Variants in SCN10A observed in about 807,000 individuals in gnomAD.
The protein encoded by SCN10A is sodium channel protein type 10 subunit alpha.
In SCN10A, 162 loss-of-function variants were observed where a neutral mutation model predicts 170.7. The ratio of observed to expected loss-of-function variants is 0.95; its 90% confidence interval spans 0.84 to 1.08. SCN10A has a LOEUF of 1.08. SCN10A is among the 50% of genes least tolerant of loss of function. The pLI, the probability that SCN10A is intolerant of heterozygous loss-of-function variation, is 0.00. For missense variants in SCN10A, 2,527 were observed against 2,436.9 expected, an observed-to-expected ratio of 1.04 and a Z score of -0.78; for synonymous variants, 985 against 904.6, an observed-to-expected ratio of 1.09 and a Z score of -1.59.
At chr3:38,806,973 C>T (rs912568233) in intron 1 of SCN10A, among the ~76,000 whole-genome samples, 1 of 152,084 alleles carries the variant, frequency 6.6e-6, no homozygotes, top group African/African-American at 2.4e-5. Flanking sequence ...GACAAGAAGC[C>T]GTGTTCCTTT....
At chr3:38,794,964 T>A (rs2064329539) in intron 1 of SCN10A, among the ~76,000 whole-genome samples, 2 of 152,094 alleles carry the variant, frequency 1.3e-5, no homozygotes. Context: ...ACATGAGAGG[T>A]ATCTTCCTAC....
chr3:38,697,623 A>G lies in SCN10A; in HGVS notation c.5597T>C (p.Val1866Ala). The G allele has an allele frequency of 6.2e-7, 1 of 1,614,196 alleles. No individual in the cohort carries two copies. Among genetic ancestry groups the G allele is most frequent in the Non-Finnish European group, 8.5e-7 (1 of 1,180,018 alleles). The change falls in exon 28 of 28, where the codon GTG becomes GCG. Residue 1866 changes from valine (V) to alanine (A), a missense_variant. Physicochemically the swap from Val to Ala is moderately conservative, Grantham distance 64 (BLOSUM62 0). Coordinates refer to ENST00000449082, the MANE Select transcript of SCN10A (RefSeq NM_006514.4). ...AGAGAGTGCCATGGAGCGGTGCAGCACATAGCTCCGATAGGCCTTTTGAAT... is the reference window on the plus strand; with the variant it reads ...AGAGAGTGCCATGGAGCGGTGCAGCGCATAGCTCCGATAGGCCTTTTGAAT... ...TVIQKAYRSYVLHRSMALSNT... is the reference protein window; with the variant it reads ...TVIQKAYRSYALHRSMALSNT...
intron 2 of SCN10A, among the ~76,000 whole-genome samples, chr3:38,792,929 A>G (rs58025631): frequency 0.01 from 1,588 of 152,204 alleles, 18 homozygotes; most frequent in African/African-American, 0.036. Context: ...TTTATGCCAG[A>G]TATATGTATA....
At chr3:38,753,292 T>A (rs1306817944) in intron 11 of SCN10A, among the ~76,000 whole-genome samples, 1 of 152,224 alleles carries the variant, frequency 6.6e-6, no homozygotes, top group Non-Finnish European at 1.5e-5. Context: ...GTAGTTCCCA[T>A]GACCATAGTG....
intron 1 of SCN10A, among the ~76,000 whole-genome samples, chr3:38,800,250 A>T (rs2064363454): frequency 6.6e-6 from 1 of 152,134 alleles, no homozygotes; most frequent in Admixed American, 6.6e-5. Context: ...AGTGAACTTC[A>T]CATGCCAGTC....
chr3:38,783,078 C>A (rs1205052743), intron 4 of SCN10A, among the ~76,000 whole-genome samples: 1 of 152,092 alleles, frequency 6.6e-6, no homozygotes, highest in Non-Finnish European at 1.5e-5. Flanking sequence ...GTCTCTTTCT[C>A]TTATAAGGAC....
At chr3:38,779,704 A>G (rs1364485667) in intron 4 of SCN10A, among the ~76,000 whole-genome samples, 1 of 151,876 alleles carries the variant, frequency 6.6e-6, no homozygotes, top group Non-Finnish European at 1.5e-5. Flanking sequence ...TTCTGATTAA[A>G]CTGTTTTTTA....
chr3:38,715,537 T>C (rs1440072367), intron 21 of SCN10A, among the ~76,000 whole-genome samples: 9 of 152,202 alleles, frequency 5.9e-5, no homozygotes, highest in Non-Finnish European at 1.2e-4. Flanking sequence ...CCAAATCAAA[T>C]TGTTCCCTGA....
At position 38,776,724 on chromosome 3, in the gene SCN10A, T is replaced by C. The variant is rs199865446; in HGVS notation, c.471-5317A>G. Among the ~76,000 whole-genome samples, 18 of 152,184 alleles carry C rather than the reference T, an allele frequency of 1.2e-4. No individual in the cohort carries two copies. The East Asian group carries it at 2.5e-3, about 21-fold the overall frequency. ...ATTGCTCTGCTAAACAAAGTAAGAATAAGTTGGAGTTCCCAGGGACAATTG... is the reference window on the plus strand; with the variant it reads ...ATTGCTCTGCTAAACAAAGTAAGAACAAGTTGGAGTTCCCAGGGACAATTG... On this transcript the variant is annotated intron_variant, in intron 4 of 27. Transcript: ENST00000449082.
At chr3:38,698,639 T>C in intron 27 of SCN10A, 77 bp from the exon 28 acceptor site, 1 of 1,414,518 alleles carries the variant, frequency 7.1e-7, no homozygotes, top group East Asian at 2.3e-5. Flanking sequence ...GATGACACTC[T>C]GCTTTGCTTG....
intron 14 of SCN10A, among the ~76,000 whole-genome samples, chr3:38,741,324 G>A (rs201279997): frequency 1.5e-5 from 2 of 131,322 alleles, no homozygotes; most frequent in Non-Finnish European, 3.3e-5. Flanking sequence ...ACACACACAC[G>A]CAAGTCTTGT....
In SCN10A at chr3:38,788,936, A is replaced by G. The variant is rs373828290; in HGVS notation, c.470+20T>C. 6.8e-7 allele frequency: 1 copy of G among 1,478,968 alleles called. No individual in the cohort carries two copies. The highest frequency in any genetic ancestry group is 9.5e-7 in the Non-Finnish European group (1 of 1,057,274). 91.6% of individuals were successfully genotyped at this position (1,478,968 alleles called of 1,614,324 possible). On this transcript the variant is annotated intron_variant, in intron 4 of 27. Transcript: ENST00000449082. ...GAAAGCAAAAAGAGATGGTACAATAATGATAGCAAATCTACTCACTCAATT... is the reference window on the plus strand; with the variant it reads ...GAAAGCAAAAAGAGATGGTACAATAGTGATAGCAAATCTACTCACTCAATT...
chr3:38,788,608 G>C (rs532431716), intron 4 of SCN10A, among the ~76,000 whole-genome samples: 2 of 141,862 alleles, frequency 1.4e-5, no homozygotes, highest in Non-Finnish European at 3.1e-5. Context: ...AGGTGAGTGA[G>C]TGTGTGTGTG....
At chr3:38,779,096 T>TC (rs5848486) in intron 4 of SCN10A, among the ~76,000 whole-genome samples, 100,527 of 151,780 alleles carry the variant, frequency 0.66, 33,566 homozygotes, top group Admixed American at 0.78. Context: ...TAGAAATTCA[T>TC]CCTTAATTTT....
intron 26 of SCN10A, among the ~76,000 whole-genome samples, chr3:38,702,761 G>A (rs140780000): frequency 5.3e-5 from 8 of 152,342 alleles, no homozygotes; most frequent in African/African-American, 9.6e-5. Flanking sequence ...GCAAATGCAG[G>A]TATAGGGCGT....
intron 5 of SCN10A, among the ~76,000 whole-genome samples, chr3:38,764,343 G>A (rs143575643): frequency 6.6e-6 from 1 of 152,226 alleles, no homozygotes; most frequent in African/African-American, 2.4e-5. Flanking sequence ...TGTACCCAGT[G>A]TGTAGTCTCT....
chr3:38,806,971 G>A (rs4132763), intron 1 of SCN10A, among the ~76,000 whole-genome samples: 1 of 152,116 alleles, frequency 6.6e-6, no homozygotes, highest in Non-Finnish European at 1.5e-5. Flanking sequence ...TTGACAAGAA[G>A]CCGTGTTCCT....
intron 8 of SCN10A, among the ~76,000 whole-genome samples, chr3:38,757,499 G>A (rs1486861614): frequency 6.6e-6 from 1 of 152,218 alleles, no homozygotes; most frequent in African/African-American, 2.4e-5. Context: ...GAGCCTGTTG[G>A]CATCATCTGC....
intron 14 of SCN10A, 63 bp downstream of exon 14, chr3:38,742,228 C>T (rs2063639523): frequency 4.1e-6 from 5 of 1,228,356 alleles, no homozygotes; most frequent in Non-Finnish European, 5.9e-6. Flanking sequence ...GAACTGCACC[C>T]TGCCATCATC....
Sources: gnomAD v4.1 joint callset for allele counts (sites outside exome capture counted in the v4.1 genomes callset) on GRCh38, gnomAD v4.1.1 for gene constraint, MANE v1.5 for transcripts, NCBI Gene and HGNC (gene_info 2026-07-23, HGNC 2026-07-21) for gene names.